Variants in RBFOX1 observed in about 807,000 individuals in gnomAD.
The protein encoded by RBFOX1 is RNA binding protein fox-1 homolog 1.
Under a neutral mutation model 57.7 loss-of-function variants are expected in RBFOX1, and 8 were observed. The ratio of observed to expected loss-of-function variants is 0.14; its 90% CI spans 0.08 to 0.25. The LOEUF is 0.25. Among genes scored for constraint, RBFOX1 ranks in the 10% least tolerant of loss-of-function variants. The pLI, the probability that RBFOX1 is intolerant of heterozygous loss-of-function variation, is 1.00. For missense variants in RBFOX1, 611 were observed against 548.5 expected (o/e 1.11, Z -1.14); for synonymous variants, 326 against 222.4 (o/e 1.47, Z -4.15).
chr16:7,451,119 G>A (rs182902400), intron 4 of RBFOX1, among the ~76,000 whole-genome samples: 1 of 152,288 alleles, frequency 6.6e-6, no homozygotes, highest in East Asian at 1.9e-4. Flanking sequence ...GCTCTGGAGG[G>A]AGAAGAATCG....
At chr16:6,743,237 A>G (rs1418713114) in intron 3 of RBFOX1, among the ~76,000 whole-genome samples, 2 of 152,234 alleles carry the variant, frequency 1.3e-5, no homozygotes, top group African/African-American at 2.4e-5. Context: ...ATTTTCAATT[A>G]TTGTGAAACA....
intron 4 of RBFOX1, among the ~76,000 whole-genome samples, chr16:7,212,933 T>C (rs944314311): frequency 6.6e-6 from 1 of 152,232 alleles, no homozygotes; most frequent in Non-Finnish European, 1.5e-5. Context: ...TATCTAGCTC[T>C]TACCGTGCCA....
intron 3 of RBFOX1, among the ~76,000 whole-genome samples, chr16:5,791,379 A>G (rs952904290): frequency 6.6e-6 from 1 of 152,208 alleles, no homozygotes; most frequent in African/African-American, 2.4e-5. Context: ...ACCAGGAGTC[A>G]TTATTTTAAG....
chr16:5,998,365 A>G (rs554886853), intron 4 of RBFOX1, among the ~76,000 whole-genome samples: 2 of 152,372 alleles, frequency 1.3e-5, no homozygotes, highest in East Asian at 1.9e-4. Flanking sequence ...TGCATTGTCT[A>G]TAACAAAAGA....
intron 3 of RBFOX1, among the ~76,000 whole-genome samples, chr16:6,728,073 G>C: frequency 6.6e-6 from 1 of 152,186 alleles, no homozygotes; most frequent in South Asian, 2.1e-4. Flanking sequence ...CAGGATTTTA[G>C]CATAGAGCTA....
chr16:6,501,798 C>T (rs1489230785), intron 2 of RBFOX1, among the ~76,000 whole-genome samples: 2 of 150,062 alleles, frequency 1.3e-5, no homozygotes, highest in Admixed American at 6.7e-5. Context: ...GTGATTATTC[C>T]TCCAGGCTCT....
At chr16:5,844,925 A>G (rs942982291) in intron 3 of RBFOX1, among the ~76,000 whole-genome samples, 3 of 152,170 alleles carry the variant, frequency 2.0e-5, no homozygotes, top group Admixed American at 6.5e-5. Flanking sequence ...CCAAGAGTTT[A>G]TTTGCAGAGA....
chr16:6,129,633 A>C (rs930100163), intron 1 of RBFOX1, among the ~76,000 whole-genome samples: 2 of 151,910 alleles, frequency 1.3e-5, no homozygotes, highest in Admixed American at 6.6e-5. Flanking sequence ...AAAATTTTCC[A>C]AAGTTAATGA....
chr16:6,255,181 A>G (rs1397989759), intron 1 of RBFOX1, among the ~76,000 whole-genome samples: 5 of 152,074 alleles, frequency 3.3e-5, no homozygotes, highest in Admixed American at 2.0e-4. Flanking sequence ...TTCCATATCA[A>G]TACTTTTTGG....
At chr16:7,135,395 C>T (rs1321696963) in intron 4 of RBFOX1, among the ~76,000 whole-genome samples, 1 of 152,212 alleles carries the variant, frequency 6.6e-6, no homozygotes, top group African/African-American at 2.4e-5. Flanking sequence ...TTTCAATGAG[C>T]ATGCACAAAG....
At chr16:5,856,192 T>TATATATATATATATAC (rs1400031682) in intron 3 of RBFOX1, among the ~76,000 whole-genome samples, 1 of 56,182 alleles carries the variant, frequency 1.8e-5, no homozygotes, top group Non-Finnish European at 3.9e-5. Flanking sequence ...TCTCTCTATA[T>TATATATATATATATAC]ATATATATAT....
At chr16:7,637,815 G>A (rs933234443) in intron 11 of RBFOX1, among the ~76,000 whole-genome samples, 1 of 152,080 alleles carries the variant, frequency 6.6e-6, no homozygotes, top group African/African-American at 2.4e-5. Context: ...CAAGTGACGT[G>A]CTCACTTCAA....
intron 4 of RBFOX1, among the ~76,000 whole-genome samples, chr16:7,075,170 G>A (rs887089762): frequency 1.3e-5 from 2 of 152,190 alleles, no homozygotes; most frequent in African/African-American, 4.8e-5. Context: ...GTTTTGTTCT[G>A]TTGCATAGGT....
intron 1 of RBFOX1, among the ~76,000 whole-genome samples, chr16:5,303,476 TG>T (rs1245488678): frequency 5.3e-5 from 8 of 152,216 alleles, no homozygotes; most frequent in African/African-American, 1.9e-4. Flanking sequence ...CCATCACAGC[TG>T]CTTCCCTCAG....
chr16:7,297,576 G>C (rs1233394082), intron 4 of RBFOX1, among the ~76,000 whole-genome samples: 1 of 152,052 alleles, frequency 6.6e-6, no homozygotes, highest in Non-Finnish European at 1.5e-5. Context: ...CTAGAATATT[G>C]CAACTCAGTA....
chr16:6,483,289 G>A (rs764231781), intron 2 of RBFOX1: 23 of 1,384,210 alleles, frequency 1.7e-5, no homozygotes, highest in African/African-American at 9.1e-5. Flanking sequence ...CCTTGCACGG[G>A]CTGCTCGCTC....
At chr16:5,492,664 C>T (rs958447948) in intron 2 of RBFOX1, among the ~76,000 whole-genome samples, 1 of 152,156 alleles carries the variant, frequency 6.6e-6, no homozygotes, top group Non-Finnish European at 1.5e-5. Context: ...ATGACATCTA[C>T]CACAGTGCTT....
intron 3 of RBFOX1, among the ~76,000 whole-genome samples, chr16:6,680,270 C>G (rs898686758): frequency 1.8e-5 from 2 of 112,348 alleles, no homozygotes; most frequent in South Asian, 3.1e-4. Flanking sequence ...GCTTTTCTCT[C>G]TCTCTTTTTT....
chr16:5,371,463 C>A (rs1308590772), intron 1 of RBFOX1, among the ~76,000 whole-genome samples: 5 of 152,222 alleles, frequency 3.3e-5, no homozygotes, highest in African/African-American at 9.6e-5. Context: ...ACGCTTTGAT[C>A]TTGGACTTCC....
Sources: gnomAD v4.1 joint callset for allele counts (sites outside exome capture counted in the v4.1 genomes callset) on GRCh38, gnomAD v4.1.1 for gene constraint, MANE v1.5 for transcripts, NCBI Gene and HGNC (gene_info 2026-07-23, HGNC 2026-07-21) for gene names.